Variants in CACNA1D observed in about 807,000 individuals in gnomAD.
The protein encoded by CACNA1D is voltage-dependent L-type calcium channel subunit alpha-1D.
In CACNA1D, 55 loss-of-function variants were observed where a neutral mutation model predicts 257.1. The observed-to-expected ratio is 0.21, with a 90% CI of 0.17 to 0.27. The LOEUF (loss-of-function observed/expected upper bound fraction) is 0.27, where lower values mean the gene tolerates loss of function less well. Ranked by LOEUF, CACNA1D falls within the 10% of genes least tolerant of loss-of-function variation. The pLI, the probability that CACNA1D is intolerant of heterozygous loss-of-function variation, is 1.00. For missense variants in CACNA1D, 1,876 were observed against 2,784.0 expected (o/e 0.67, Z 7.34); for synonymous variants, 980 against 1,014.9 (o/e 0.97, Z 0.65).
intron 8 of CACNA1D, among the ~76,000 whole-genome samples, chr3:53,688,666 C>G (rs2094494111): frequency 6.6e-6 from 1 of 152,184 alleles, no homozygotes; most frequent in Non-Finnish European, 1.5e-5. Flanking sequence ...CACATCCTTC[C>G]AAGACCTGGA....
chr3:53,674,942 A>C (rs937602344), intron 8 of CACNA1D, among the ~76,000 whole-genome samples: 1 of 152,184 alleles, frequency 6.6e-6, no homozygotes. Flanking sequence ...ATCTCGGGGA[A>C]GTGATGTCTT....
chr3:53,752,811 C>G (rs970143898), intron 28 of CACNA1D, among the ~76,000 whole-genome samples: 1 of 152,206 alleles, frequency 6.6e-6, no homozygotes, highest in East Asian at 1.9e-4. Flanking sequence ...AGGGAATTTT[C>G]CAGTTGATGA....
At chr3:53,654,079 A>C (rs530170718) in intron 4 of CACNA1D, among the ~76,000 whole-genome samples, 1 of 152,202 alleles carries the variant, frequency 6.6e-6, no homozygotes, top group Non-Finnish European at 1.5e-5. Context: ...TAAAGTCAAA[A>C]TCAAAATTTT....
At chr3:53,754,824 AT>A (rs2095252458) in intron 29 of CACNA1D, among the ~76,000 whole-genome samples, 1 of 152,252 alleles carries the variant, frequency 6.6e-6, no homozygotes, top group South Asian at 2.1e-4. Flanking sequence ...TATGAAATGG[AT>A]GGTTTCACAT....
chr3:53,774,780 T>C lies in CACNA1D; in HGVS notation c.4202+102T>C, dbSNP rs2109027583. ...AGGTTATTAAAGCAGTGTGCCTTTC[T>C]CAGTTGATTGTGATGGCTTTTTGTT... On this transcript the variant is annotated intron_variant, in intron 34 of 47. Coordinates refer to ENST00000350061, the MANE Select transcript of CACNA1D (RefSeq NM_001128840.3). The surrounding 1 kb of genome is among the most constrained non-coding windows in gnomAD (Gnocchi z 4.3). 1.4e-6 allele frequency: 1 copy of C among 734,930 alleles called. No homozygotes were observed. Among genetic ancestry groups the C allele is most frequent in the Non-Finnish European group, 2.5e-6 (1 of 403,094 alleles). 45.5% of individuals were successfully genotyped at this position (734,930 alleles called of 1,614,324 possible). A position where few individuals can be genotyped will look rare whatever the true frequency, so the allele number is the denominator to read the frequency against.
chr3:53,704,752 G>A (rs1202162657), intron 9 of CACNA1D, among the ~76,000 whole-genome samples: 2 of 152,200 alleles, frequency 1.3e-5, no homozygotes, highest in Non-Finnish European at 2.9e-5. Context: ...GTAAACGAGA[G>A]GAGGTATGGC....
chr3:53,802,367 G>A (rs2095540600), intron 43 of CACNA1D, among the ~76,000 whole-genome samples, 194 bp downstream of exon 43: 1 of 152,174 alleles, frequency 6.6e-6, no homozygotes. Context: ...TATCTCTGTC[G>A]ACTCTGTTGC....
intron 3 of CACNA1D, among the ~76,000 whole-genome samples, chr3:53,615,921 T>C (rs2093631714): frequency 6.6e-6 from 1 of 152,324 alleles, no homozygotes; most frequent in Admixed American, 6.5e-5. Flanking sequence ...TGCTGCAGTT[T>C]CTGTATTTTT....
intron 3 of CACNA1D, among the ~76,000 whole-genome samples, chr3:53,504,007 G>A (rs941820730): frequency 5.3e-5 from 8 of 150,852 alleles, no homozygotes; most frequent in African/African-American, 1.9e-4. Flanking sequence ...CTGACTCTAA[G>A]CAAGGTCCCA....
At chr3:53,541,902 A>C (rs1402239798) in intron 3 of CACNA1D, among the ~76,000 whole-genome samples, 5 of 152,194 alleles carry the variant, frequency 3.3e-5, no homozygotes, top group Admixed American at 6.5e-5. Flanking sequence ...ATCACAAAAG[A>C]CCACGTATTT....
At chr3:53,757,088 G>T (rs766219501) in intron 29 of CACNA1D, among the ~76,000 whole-genome samples, 6 of 152,222 alleles carry the variant, frequency 3.9e-5, no homozygotes, top group African/African-American at 1.4e-4. Flanking sequence ...AGCTGATGCA[G>T]AATGGGCACT....
intron 20 of CACNA1D, 42 bp from the exon 21 acceptor site, chr3:53,740,238 G>C: frequency 7.0e-7 from 1 of 1,419,508 alleles, no homozygotes; most frequent in Non-Finnish European, 1.0e-6. Flanking sequence ...GTCAGAGTTT[G>C]TCTGAATTCC....
intron 9 of CACNA1D, among the ~76,000 whole-genome samples, chr3:53,706,771 C>T (rs1433956649): frequency 6.6e-6 from 1 of 152,140 alleles, no homozygotes; most frequent in Non-Finnish European, 1.5e-5. Flanking sequence ...ATGCCTCTTC[C>T]ACCCTCCCAC....
chr3:53,601,206 A>G (rs1223133131), intron 3 of CACNA1D, among the ~76,000 whole-genome samples: 2 of 152,198 alleles, frequency 1.3e-5, no homozygotes, highest in Non-Finnish European at 2.9e-5. Flanking sequence ...ATCGATGTGC[A>G]CAGAGGGTTG....
intron 40 of CACNA1D, among the ~76,000 whole-genome samples, chr3:53,787,178 C>T (rs1192502827): frequency 6.6e-6 from 1 of 152,144 alleles, no homozygotes; most frequent in Non-Finnish European, 1.5e-5. Flanking sequence ...CCACTACCCA[C>T]GCGGCAGGGC....
intron 14 of CACNA1D, 121 bp from the exon 15 acceptor site, chr3:53,726,758 C>G: frequency 9.0e-7 from 1 of 1,117,158 alleles, no homozygotes; most frequent in Non-Finnish European, 1.4e-6. Context: ...TGGATTTGTT[C>G]AGTGCAAACT....
rs368538192 is a variant in CACNA1D, at chr3:53,637,428, T to C, written c.484-13351T>C. Among the ~76,000 whole-genome samples the C allele has an allele frequency of 1.5e-4, 22 of 144,232 alleles. No individual in the cohort carries two copies. The East Asian group carries it at 4.5e-3, about 29-fold the overall frequency. 94.6% of individuals were successfully genotyped at this position (144,232 alleles called of 152,430 possible). ...TCACCTACTTTGAATTTTTATATTC[T>C]TGCTGCTCTAAGGTTTTTTTTTTGG... On this transcript the variant is annotated intron_variant, in intron 3 of 47. Coordinates refer to ENST00000350061, the MANE Select transcript of CACNA1D (RefSeq NM_001128840.3).
intron 3 of CACNA1D, among the ~76,000 whole-genome samples, chr3:53,556,674 A>G (rs1575856417): frequency 6.7e-6 from 1 of 148,242 alleles, no homozygotes; most frequent in African/African-American, 2.5e-5. Flanking sequence ...ATTTTCTCTC[A>G]GTCTATAGCT....
At position 53,774,722 on chromosome 3, in the gene CACNA1D, C is replaced by T. The variant is rs781143120; in HGVS notation, c.4202+44C>T. ...GGCGGTGCTCCTGGGCAGGGGGGTC[C>T]GCTAGGCGTGGGTCCAGAGGGACGG... On this transcript the variant is annotated intron_variant, in intron 34 of 47. Transcript: ENST00000350061. This position sits in a 1 kb window ranked among gnomAD's most constrained non-coding sequence, Gnocchi z 4.3. 1.8e-5 allele frequency: 21 copies of T among 1,142,730 alleles called. No individual in the cohort carries two copies. Among genetic ancestry groups the T allele is most frequent in the Non-Finnish European group, 2.7e-5 (20 of 749,844 alleles). 70.8% of individuals were successfully genotyped at this position (1,142,730 alleles called of 1,614,324 possible).
Sources: allele counts gnomAD v4.1 joint callset (sites outside exome capture counted in the v4.1 genomes callset), GRCh38; gene constraint gnomAD v4.1.1; non-coding constraint Gnocchi (gnomAD v3.1); transcripts MANE v1.5; gene names NCBI Gene and HGNC (gene_info 2026-07-23, HGNC 2026-07-21).